LIN28B: variants seen among roughly 807,000 people sequenced by gnomAD.
LIN28B encodes the protein protein lin-28 homolog B.
LIN28B carries 5 observed loss-of-function variants against 21.9 expected under a neutral mutation model. That is an observed-to-expected ratio of 0.23 (90% CI 0.12 to 0.48). The LOEUF is 0.48. Ranked by LOEUF, LIN28B falls within the 20% of genes least tolerant of loss-of-function variation. The pLI, the probability that LIN28B is intolerant of heterozygous loss-of-function variation, is 0.98. For synonymous variants in LIN28B, 109 were observed against 111.3 expected (o/e 0.98, Z 0.13); for missense variants, 245 against 310.5 (o/e 0.79, Z 1.58).
intron 3 of LIN28B, among the ~76,000 whole-genome samples, chr6:105,077,587 G>A (rs1409643183): frequency 1.3e-5 from 2 of 152,004 alleles, no homozygotes; most frequent in Non-Finnish European, 2.9e-5. Flanking sequence ...TATTATGGAC[G>A]GATTTCCATT....
chr6:104,946,590 T>C (rs1372709507), intron 2 of LIN28B, among the ~76,000 whole-genome samples: 1 of 152,198 alleles, frequency 6.6e-6, no homozygotes, highest in Non-Finnish European at 1.5e-5. Flanking sequence ...TTTTAAGTTA[T>C]AGTCAATTTA....
chr6:105,017,200 A>G (rs1033636441), intron 2 of LIN28B, among the ~76,000 whole-genome samples: 4 of 152,192 alleles, frequency 2.6e-5, no homozygotes, highest in African/African-American at 9.6e-5. Context: ...GCTTAAGAAT[A>G]TCATAAAGGC....
intron 2 of LIN28B, among the ~76,000 whole-genome samples, chr6:104,987,997 G>C (rs2114261731): frequency 6.6e-6 from 1 of 152,220 alleles, no homozygotes; most frequent in Middle Eastern, 3.4e-3. Flanking sequence ...GCCTACCTCG[G>C]CTTCCCAAAG....
At chr6:105,069,040 A>G (rs1239332611) in intron 3 of LIN28B, among the ~76,000 whole-genome samples, 1 of 151,940 alleles carries the variant, frequency 6.6e-6, no homozygotes, top group Non-Finnish European at 1.5e-5. Context: ...AACATAGTGA[A>G]ACCCTGACTC....
intron 3 of LIN28B, among the ~76,000 whole-genome samples, chr6:105,029,259 A>G (rs150459044): frequency 6.6e-6 from 1 of 152,350 alleles, no homozygotes; most frequent in African/African-American, 2.4e-5. Context: ...GCTAAATGGA[A>G]GAAATTATAG....
At chr6:105,006,505 T>A (rs1014575419) in intron 2 of LIN28B, among the ~76,000 whole-genome samples, 5 of 152,128 alleles carry the variant, frequency 3.3e-5, no homozygotes, top group Admixed American at 2.0e-4. Flanking sequence ...AGAGATGGGA[T>A]TTCACCATGT....
intron 3 of LIN28B, among the ~76,000 whole-genome samples, chr6:105,065,250 G>T (rs1377708142): frequency 2.0e-5 from 3 of 152,196 alleles, no homozygotes; most frequent in African/African-American, 7.2e-5. Context: ...GACATGAAGG[G>T]CACCCTCAGT....
At chr6:105,000,336 AAAAAT>A (rs754892623) in intron 2 of LIN28B, among the ~76,000 whole-genome samples, 13 of 152,184 alleles carry the variant, frequency 8.5e-5, no homozygotes, top group South Asian at 2.1e-4. Context: ...AGAGTGGTAA[AAAAAT>A]AAAATGGTCA....
At chr6:105,047,199 G>T (rs1156845026) in intron 3 of LIN28B, among the ~76,000 whole-genome samples, 1 of 152,154 alleles carries the variant, frequency 6.6e-6, no homozygotes, top group Non-Finnish European at 1.5e-5. Flanking sequence ...TTTGTATAAG[G>T]TGTAAGGAAG....
intron 3 of LIN28B, among the ~76,000 whole-genome samples, chr6:105,077,557 G>A (rs1434780628): frequency 2.0e-5 from 3 of 152,068 alleles, no homozygotes; most frequent in African/African-American, 7.2e-5. Flanking sequence ...ACAAAGCCAT[G>A]TCCCCAGTGT....
chr6:105,047,602 C>G (rs1383280241), intron 3 of LIN28B, among the ~76,000 whole-genome samples: 1 of 152,086 alleles, frequency 6.6e-6, no homozygotes, highest in Non-Finnish European at 1.5e-5. Context: ...TATAAATTAC[C>G]TTGGGCAGTA....
intron 2 of LIN28B, among the ~76,000 whole-genome samples, chr6:104,982,206 C>T (rs749273226): frequency 5.3e-5 from 8 of 151,410 alleles, no homozygotes; most frequent in Non-Finnish European, 8.8e-5. Context: ...CCCAGCTACT[C>T]GGGAAGCTAA....
chr6:104,997,921 T>C (rs893830533), intron 2 of LIN28B, among the ~76,000 whole-genome samples: 2 of 152,172 alleles, frequency 1.3e-5, no homozygotes, highest in Non-Finnish European at 2.9e-5. Flanking sequence ...TTCTACATGC[T>C]TTTGAAAAGA....
At chr6:105,000,755 T>G (rs547200067) in intron 2 of LIN28B, among the ~76,000 whole-genome samples, 67 of 152,266 alleles carry the variant, frequency 4.4e-4, no homozygotes, top group Non-Finnish European at 2.4e-4. Flanking sequence ...ATATGCCAGT[T>G]GTTCTAAGCA....
In LIN28B at chr6:105,080,521, A is replaced by G. The variant is rs904171563; in HGVS notation, c.*1738A>G. 6.6e-6 allele frequency: 1 copy of G among 152,626 alleles called. No individual in the cohort carries two copies. The highest frequency in any genetic ancestry group is 1.5e-5 in the Non-Finnish European group (1 of 68,048). 9.5% of individuals were successfully genotyped at this position (152,626 alleles called of 1,614,324 possible). The stretch of plus-strand genomic sequence containing the variant: ...TCAGGTTGGGTTGCCAGTCCTTTAC[A>G]ACTCAGCTTGAATTTCACAACAGTG... On this transcript the variant is annotated 3_prime_UTR_variant, in exon 4 of 4. Transcript: ENST00000345080.
intron 3 of LIN28B, among the ~76,000 whole-genome samples, chr6:105,053,802 A>T (rs1771966072): frequency 6.6e-6 from 1 of 151,544 alleles, no homozygotes; most frequent in African/African-American, 2.4e-5. Context: ...GCACAATCTC[A>T]GCTCACTGCA....
At position 105,048,004 on chromosome 6, in the gene LIN28B, C is replaced by T. The variant is rs541474128; in HGVS notation, c.383+21522C>T. ...CTTCCTCTTTTCCTAATTGAATACC[C>T]TTTATTTCTTTCTCCTGCCTGATTG... On this transcript the variant is annotated intron_variant, in intron 3 of 3. Coordinates refer to ENST00000345080, the MANE Select transcript of LIN28B (RefSeq NM_001004317.4). Among the ~76,000 whole-genome samples the T allele has an allele frequency of 3.9e-5, 6 of 152,280 alleles. No homozygotes were observed. The East Asian group carries it at 5.8e-4, about 15-fold the overall frequency.
intron 2 of LIN28B, among the ~76,000 whole-genome samples, chr6:105,000,308 G>C (rs879729129): frequency 2.0e-5 from 3 of 152,104 alleles, no homozygotes; most frequent in Non-Finnish European, 4.4e-5. Context: ...TATACACACA[G>C]TTTTTTATAG....
chr6:105,063,247 TATTC>T (rs2114403958), intron 3 of LIN28B, among the ~76,000 whole-genome samples: 1 of 152,316 alleles, frequency 6.6e-6, no homozygotes, highest in East Asian at 1.9e-4. Context: ...TTTATGCTCT[TATTC>T]ATCTTCTCTC....
Sources: allele counts gnomAD v4.1 joint callset (sites outside exome capture counted in the v4.1 genomes callset), GRCh38; gene constraint gnomAD v4.1.1; transcripts MANE v1.5; gene names NCBI Gene and HGNC (gene_info 2026-07-23, HGNC 2026-07-21).